The following BCAN variants were observed in gnomAD, a reference collection of about 807,000 sequenced individuals.
The protein encoded by BCAN is brevican core protein.
BCAN carries 51 observed loss-of-function variants against 92.4 expected under a neutral mutation model. The observed-to-expected ratio is 0.55, with a 90% confidence interval of 0.44 to 0.70. The LOEUF (loss-of-function observed/expected upper bound fraction) is 0.70, where lower values mean the gene tolerates loss of function less well. BCAN is among the 30% of genes least tolerant of loss of function. The pLI is 0.00. For synonymous variants in BCAN, 501 were observed against 505.2 expected (o/e 0.99, Z 0.11); for missense variants, 1,140 against 1,212.1 (o/e 0.94, Z 0.88).
At chr1:156,650,049 G>C (rs924419300) in intron 6 of BCAN, 12 of 434,132 alleles carry the variant, frequency 2.8e-5, no homozygotes, top group Non-Finnish European at 5.1e-5. Flanking sequence ...GACATATTTG[G>C]CTGGGGTTGG....
chr1:156,648,542 A>G (rs1336135389), intron 5 of BCAN, 26 bp from the exon 6 acceptor site: 1 of 1,555,594 alleles, frequency 6.4e-7, no homozygotes, highest in Admixed American at 1.8e-5. Context: ...GCTGCCTGAT[A>G]ACCCAGCCTT....
At position 156,659,008 on chromosome 1, in the gene BCAN, G is replaced by T; in HGVS notation, c.2629-19G>T. 1 of 1,574,362 alleles carries T rather than the reference G, an allele frequency of 6.4e-7. No homozygotes were observed. The stretch of plus-strand genomic sequence containing the variant: ...AGAAGGAAGAGCCAGGGTGGAGGGT[G>T]AGTGTGTGTCTTCCCCAGGCCCGAG... On this transcript the variant is annotated intron_variant, in intron 13 of 13. Coordinates refer to ENST00000329117, the MANE Select transcript of BCAN (RefSeq NM_021948.5).
In BCAN at chr1:156,657,004, G is replaced by T. The variant is rs41267397; in HGVS notation, c.2117G>T (p.Arg706Leu). The change falls in exon 10 of 14, where the codon CGA becomes CTA. Residue 706 changes from arginine to leucine, a missense_variant. Transcript: ENST00000329117. ...QGACYKHFSTRRSWEEAETQC... is the reference protein window; with the variant it reads ...QGACYKHFSTLRSWEEAETQC... ...GCCTGCTACAAGCACTTTTCCACACGAAGGAGCTGGGAGGAGGCAGAGACC... is the reference window on the plus strand; with the variant it reads ...GCCTGCTACAAGCACTTTTCCACACTAAGGAGCTGGGAGGAGGCAGAGACC... 5,325 of 1,614,170 alleles carry T rather than the reference G, an allele frequency of 3.3e-3. 16 individuals carry two copies. The highest frequency in any genetic ancestry group is 4.2e-3 in the Non-Finnish European group (5,012 of 1,180,016).
Position 156,652,428 on chromosome 1 carries a change from CCT to C in BCAN, c.1484_1485del (p.Leu495ProfsTer3). 1 of 1,604,264 alleles carries C rather than the reference CCT, an allele frequency of 6.2e-7. No homozygotes were observed. The highest frequency in any genetic ancestry group is 8.5e-7 in the Non-Finnish European group (1 of 1,175,068). On this transcript the variant is annotated frameshift_variant, in exon 8 of 14. Transcript: ENST00000329117. LOFTEE classifies it high-confidence loss of function. ...GAGCTCAGCAGCCCGGGCCCTGAGG[CCT>C]CTCTCCCCACTGAGCCAGCAGCCCA...
At chr1:156,656,499 C>A in intron 9 of BCAN, 110 bp downstream of exon 9, 1 of 859,114 alleles carries the variant, frequency 1.2e-6, no homozygotes, top group Admixed American at 3.1e-5. Context: ...TTAATGAGTC[C>A]CTGTTTTAGG....
In BCAN at chr1:156,647,662, G is replaced by A. The variant is rs1347761165; in HGVS notation, c.621G>A (p.Trp207Ter). The A allele has an allele frequency of 3.8e-6, 6 of 1,599,024 alleles. No individual in the cohort carries two copies. The highest frequency in any genetic ancestry group is 2.2e-5 in the East Asian group (1 of 44,674). ...LGGYEQCDAGWLSDQTVRYPI... is the reference protein window; with the variant it reads ...LGGYEQCDAG ...GCTATGAGCAATGTGATGCTGGCTG[G>A]CTGTCGGATCAGACCGTGAGGTGGG... Residue 207 changes from tryptophan to a stop codon, truncating the protein, a stop_gained, in exon 4 of 14, where the codon TGG becomes TGA. Coordinates refer to ENST00000329117, the MANE Select transcript of BCAN (RefSeq NM_021948.5). LOFTEE classifies it high-confidence loss of function. The surrounding 1 kb of genome is among the most constrained non-coding windows in gnomAD (Gnocchi z 4.8).
Position 156,647,464 on chromosome 1 carries a change from G to A in BCAN, c.467-44G>A, listed in dbSNP as rs776046656. On this transcript the variant is annotated intron_variant, in intron 3 of 13. Transcript: ENST00000329117. This position sits in a 1 kb window ranked among gnomAD's most constrained non-coding sequence, Gnocchi z 4.8. ...ACAAGGAGGGTGAGGGGAGGCCAGC[G>A]TGCTGGGTGCTCACCTGGCTCAGGG... is the stretch of plus-strand genomic sequence containing the variant. The A allele has an allele frequency of 8.0e-6, 12 of 1,505,144 alleles. No individual in the cohort carries two copies. The highest frequency in any genetic ancestry group is 1.4e-5 in the African/African-American group (1 of 71,468). The allele number at this position is 1,505,144 out of a possible 1,614,324, so 93.2% of individuals were successfully genotyped here. A position where few individuals can be genotyped will look rare whatever the true frequency, so the allele number is the denominator to read the frequency against.
intron 2 of BCAN, chr1:156,646,531 G>A (rs947951445): frequency 1.1e-5 from 6 of 554,612 alleles, no homozygotes; most frequent in South Asian, 9.7e-5. Flanking sequence ...TGGAGAGGAA[G>A]TGGAAGACTC....
At position 156,647,480 on chromosome 1, in the gene BCAN, T is replaced by C; in HGVS notation, c.467-28T>C. 2 of 1,528,178 alleles carry C rather than the reference T, an allele frequency of 1.3e-6. No individual in the cohort carries two copies. The highest frequency in any genetic ancestry group is 2.6e-5 in the South Asian group (2 of 77,400). 94.7% of individuals were successfully genotyped at this position (1,528,178 alleles called of 1,614,324 possible). On this transcript the variant is annotated intron_variant, in intron 3 of 13. Transcript: ENST00000329117. This position sits in a 1 kb window ranked among gnomAD's most constrained non-coding sequence, Gnocchi z 4.8. ...GAGGCCAGCGTGCTGGGTGCTCACC[T>C]GGCTCAGGGGTCCTCTCTGCCCCAC...
In BCAN at chr1:156,658,824, G is replaced by A. The variant is rs2102574900; in HGVS notation, c.2628+91G>A. 13 of 1,557,842 alleles carry A rather than the reference G, an allele frequency of 8.3e-6. No homozygotes were observed. Among genetic ancestry groups the A allele is most frequent in the South Asian group, 2.3e-5 (2 of 87,450 alleles). On this transcript the variant is annotated intron_variant, in intron 13 of 13. Transcript: ENST00000329117. This position sits in a 1 kb window ranked among gnomAD's most constrained non-coding sequence, Gnocchi z 4.4. ...TAAAGTCCTGCCTGTCACTGGCCAT[G>A]TGACCTTGGAGCCATCACTGCCCCT... is the stretch of plus-strand genomic sequence containing the variant.
At position 156,657,727 on chromosome 1, in the gene BCAN, C is replaced by A; in HGVS notation, c.2262C>A (p.Gly754=). Residue 754 remains glycine (G), a synonymous_variant, in exon 11 of 14, where the codon GGC becomes GGA. Coordinates refer to ENST00000329117, the MANE Select transcript of BCAN (RefSeq NM_021948.5). ...GACTCAACGACAGGACCATCGAAGG[C>A]GACTTCTTGTGGTCGGATGGCGTCC... The part of the protein sequence containing the change: ...WIGLNDRTIE[G]DFLWSDGVPL... 5.0e-6 allele frequency: 8 copies of A among 1,612,420 alleles called. No individual in the cohort carries two copies. Among genetic ancestry groups the A allele is most frequent in the Non-Finnish European group, 6.8e-6 (8 of 1,179,344 alleles).
rs1310298706 is a variant in BCAN, at chr1:156,648,690, C to T, written c.892C>T (p.Leu298=). ...ACTGTATGCAGCCTGGGATGGTGGCCTGGACCACTGCAGCCCAGGGTGGCT... is the reference window on the plus strand; with the variant it reads ...ACTGTATGCAGCCTGGGATGGTGGCTTGGACCACTGCAGCCCAGGGTGGCT... The part of the protein sequence containing the change: ...GQLYAAWDGG[L]DHCSPGWLAD... Residue 298 remains leucine (L), a synonymous_variant, in exon 6 of 14, where the codon CTG becomes TTG. Coordinates refer to ENST00000329117, the MANE Select transcript of BCAN (RefSeq NM_021948.5). 5 of 1,613,798 alleles carry T rather than the reference C, an allele frequency of 3.1e-6. No individual in the cohort carries two copies. The highest frequency in any genetic ancestry group is 1.7e-5 in the Admixed American group (1 of 60,014).
chr1:156,656,623 A>T (rs1362538349), intron 9 of BCAN: 1 of 478,868 alleles, frequency 2.1e-6, no homozygotes, highest in East Asian at 3.1e-5. Context: ...CCTGGCATTT[A>T]ATCGGTGGTC....
intron 1 of BCAN, chr1:156,643,139 T>C (rs908064981): frequency 6.6e-6 from 1 of 152,224 alleles, no homozygotes; most frequent in African/African-American, 2.4e-5. Context: ...ATTACTTAGA[T>C]TGCAGATGAT....
chr1:156,649,920 A>C (rs749521106), intron 6 of BCAN: 1 of 519,048 alleles, frequency 1.9e-6, no homozygotes, highest in Non-Finnish European at 3.8e-6. Context: ...ACTTGGTCTG[A>C]AGGATGAAGA....
rs1476326932 is a variant in BCAN at position 156,647,739 on chromosome 1, C to T, written c.641+57C>T. 6.4e-7 allele frequency: 1 copy of T among 1,554,192 alleles called. No individual in the cohort carries two copies. Among genetic ancestry groups the T allele is most frequent in the Non-Finnish European group, 8.7e-7 (1 of 1,146,062 alleles). On this transcript the variant is annotated intron_variant, in intron 4 of 13. Transcript: ENST00000329117. This position sits in a 1 kb window ranked among gnomAD's most constrained non-coding sequence, Gnocchi z 4.8. Reference sequence around the variant, plus strand: ...TGGCCCCTGAGGTGGCCATGGCCCCCCTTCTGCTGGGTGCTGCCTGCTGTG... The same window carrying T: ...TGGCCCCTGAGGTGGCCATGGCCCCTCTTCTGCTGGGTGCTGCCTGCTGTG...
intron 11 of BCAN, 26 bp downstream of exon 11, chr1:156,657,783 C>A: frequency 6.3e-7 from 1 of 1,590,038 alleles, no homozygotes; most frequent in South Asian, 1.1e-5. Context: ...CGAACCCCGC[C>A]GTCTAGCTCA....
chr1:156,645,592 C>T (rs999373345), intron 1 of BCAN, among the ~76,000 whole-genome samples: 2 of 151,924 alleles, frequency 1.3e-5, no homozygotes, highest in African/African-American at 4.8e-5. Flanking sequence ...GCTCTGGGTT[C>T]GAGGAAGGAG....
At position 156,646,953 on chromosome 1, in the gene BCAN, C is replaced by T. The variant is rs750929000; in HGVS notation, c.244C>T (p.Leu82=). 6.2e-7 allele frequency: 1 copy of T among 1,612,836 alleles called. No homozygotes were observed. Among genetic ancestry groups the T allele is most frequent in the Non-Finnish European group, 8.5e-7 (1 of 1,179,600 alleles). The part of the protein sequence containing the change: ...LGSPRVKWTF[L]SRGREAEVLV... ...CTCTCCGCGGGTCAAGTGGACTTTC[C>T]TGTCCCGGGGCCGGGAGGCAGAGGT... Residue 82 remains leucine, a synonymous_variant, in exon 3 of 14, where the codon CTG becomes TTG. Transcript: ENST00000329117.
Sources: gnomAD v4.1 joint callset for allele counts (sites outside exome capture counted in the v4.1 genomes callset) on GRCh38, gnomAD v4.1.1 for gene constraint, Gnocchi (gnomAD v3.1) non-coding constraint, MANE v1.5 for transcripts, NCBI Gene and HGNC (gene_info 2026-07-23, HGNC 2026-07-21) for gene names.